Variants in AGBL4 observed in about 807,000 individuals in gnomAD.
The protein encoded by AGBL4 is cytosolic carboxypeptidase 6.
Under a neutral mutation model 66.4 loss-of-function variants are expected in AGBL4, and 58 were observed. The observed-to-expected ratio is 0.87, with a 90% CI of 0.71 to 1.09. The LOEUF is 1.09. AGBL4 is among the 50% of genes least tolerant of loss of function. The pLI is 0.00. For synonymous variants in AGBL4, 234 were observed against 222.9 expected (o/e 1.05, Z -0.44); for missense variants, 579 against 631.0 (o/e 0.92, Z 0.88).
chr1:48,625,491 G>A (rs775621823), intron 9 of AGBL4, among the ~76,000 whole-genome samples: 21 of 152,230 alleles, frequency 1.4e-4, no homozygotes, highest in East Asian at 1.2e-3. Flanking sequence ...TGGGAGCTGC[G>A]GCTGGGGGAC....
At chr1:49,269,884 T>A (rs1644016697) in intron 3 of AGBL4, among the ~76,000 whole-genome samples, 1 of 152,206 alleles carries the variant, frequency 6.6e-6, no homozygotes, top group Non-Finnish European at 1.5e-5. Context: ...GGGGAAGTTT[T>A]CCTTTAATCC....
At chr1:49,313,749 T>C (rs1644984986) in intron 3 of AGBL4, among the ~76,000 whole-genome samples, 1 of 152,244 alleles carries the variant, frequency 6.6e-6, no homozygotes, top group African/African-American at 2.4e-5. Context: ...TTAAGTTCTT[T>C]GTAGATTCTA....
At chr1:48,799,327 T>A (rs753769065) in intron 6 of AGBL4, among the ~76,000 whole-genome samples, 4 of 152,340 alleles carry the variant, frequency 2.6e-5, no homozygotes, top group Non-Finnish European at 5.9e-5. Flanking sequence ...GTGCTACTGA[T>A]CTCTGTGCAT....
At chr1:49,071,231 G>A (rs896644716) in intron 4 of AGBL4, among the ~76,000 whole-genome samples, 4 of 151,636 alleles carry the variant, frequency 2.6e-5, no homozygotes, top group African/African-American at 9.7e-5. Flanking sequence ...GGTTTTTTGT[G>A]TCTCTATCTC....
chr1:49,810,485 G>T (rs1327536262), intron 2 of AGBL4, among the ~76,000 whole-genome samples: 1 of 152,084 alleles, frequency 6.6e-6, no homozygotes, highest in Non-Finnish European at 1.5e-5. Flanking sequence ...AATGGCATTT[G>T]AAATAGATCT....
intron 12 of AGBL4, among the ~76,000 whole-genome samples, chr1:48,537,669 T>A (rs1230996171): frequency 6.6e-6 from 1 of 152,154 alleles, no homozygotes; most frequent in Non-Finnish European, 1.5e-5. Flanking sequence ...CACCATTTCA[T>A]TGGTATATGA....
At chr1:48,786,365 G>A (rs966829881) in intron 6 of AGBL4, among the ~76,000 whole-genome samples, 3 of 152,154 alleles carry the variant, frequency 2.0e-5, no homozygotes, top group African/African-American at 7.2e-5. Flanking sequence ...ATAGTTACAT[G>A]GAAAAGACTT....
chr1:48,602,564 C>T (rs956029016), intron 9 of AGBL4, among the ~76,000 whole-genome samples: 1 of 152,170 alleles, frequency 6.6e-6, no homozygotes, highest in African/African-American at 2.4e-5. Flanking sequence ...TCAATCATTC[C>T]CCTACGCTAA....
In AGBL4 at chr1:48,792,111, A is replaced by G. The variant is rs147546867; in HGVS notation, c.634+75080T>C. ...TCATTAGGCTGGGCCCTAGTTCAAC[A>G]TGACTTGTGTCTTATAAGATGAGAA... On this transcript the variant is annotated intron_variant, in intron 6 of 13. Coordinates refer to ENST00000371839, the MANE Select transcript of AGBL4 (RefSeq NM_032785.4). 1.7e-3 allele frequency among the ~76,000 whole-genome samples: 258 copies of G among 152,340 alleles called. 2 individuals carry two copies. Among genetic ancestry groups the G allele is most frequent in the African/African-American group, 5.9e-3 (247 of 41,576 alleles).
At chr1:49,962,038 T>C (rs1657159804) in intron 1 of AGBL4, among the ~76,000 whole-genome samples, 1 of 152,116 alleles carries the variant, frequency 6.6e-6, no homozygotes, top group African/African-American at 2.4e-5. Flanking sequence ...ACTAGATATT[T>C]GAAGACAAAA....
intron 1 of AGBL4, among the ~76,000 whole-genome samples, chr1:49,981,271 A>G (rs4347252): frequency 6.6e-6 from 1 of 152,198 alleles, no homozygotes; most frequent in Non-Finnish European, 1.5e-5. Flanking sequence ...GAAAATGTAG[A>G]CAATGCATTA....
At chr1:48,803,904 T>C (rs959042048) in intron 6 of AGBL4, among the ~76,000 whole-genome samples, 32 of 152,340 alleles carry the variant, frequency 2.1e-4, no homozygotes, top group African/African-American at 7.7e-4. Context: ...GGAATGATAT[T>C]GTCTAGACTT....
intron 6 of AGBL4, among the ~76,000 whole-genome samples, chr1:48,797,796 C>T (rs1570697220): frequency 6.6e-6 from 1 of 152,312 alleles, no homozygotes; most frequent in East Asian, 1.9e-4. Flanking sequence ...ATATGCCCAC[C>T]TCAGCCTCCC....
chr1:49,313,836 T>C (rs1463200930), intron 3 of AGBL4, among the ~76,000 whole-genome samples: 1 of 152,206 alleles, frequency 6.6e-6, no homozygotes, highest in East Asian at 1.9e-4. Context: ...ATTCTGATGA[T>C]AGTTTGTTTT....
At chr1:49,486,419 T>G (rs984711712) in intron 3 of AGBL4, among the ~76,000 whole-genome samples, 3 of 151,978 alleles carry the variant, frequency 2.0e-5, no homozygotes, top group Non-Finnish European at 4.4e-5. Context: ...CAAAGAATCT[T>G]AAAAACTCAG....
chr1:49,763,039 C>A (rs895408679), intron 2 of AGBL4, among the ~76,000 whole-genome samples: 7 of 152,240 alleles, frequency 4.6e-5, no homozygotes, highest in African/African-American at 1.7e-4. Context: ...AGTTTTTAAT[C>A]CATTTTGATT....
chr1:48,808,056 G>A (rs897975344), intron 6 of AGBL4, among the ~76,000 whole-genome samples: 1 of 152,122 alleles, frequency 6.6e-6, no homozygotes, highest in African/African-American at 2.4e-5. Flanking sequence ...TTTGTAGAGG[G>A]ACTGCTTTGT....
At chr1:48,793,097 T>G (rs1291536516) in intron 6 of AGBL4, among the ~76,000 whole-genome samples, 1 of 152,242 alleles carries the variant, frequency 6.6e-6, no homozygotes, top group Non-Finnish European at 1.5e-5. Flanking sequence ...TTACTGTCTC[T>G]GGTTCTGATG....
At chr1:48,889,407 G>A (rs1279967298) in intron 5 of AGBL4, among the ~76,000 whole-genome samples, 2 of 152,184 alleles carry the variant, frequency 1.3e-5, no homozygotes, top group African/African-American at 4.8e-5. Context: ...GAAGGGAGGG[G>A]TATAGACAGG....
Sources: gnomAD v4.1 joint callset for allele counts (sites outside exome capture counted in the v4.1 genomes callset) on GRCh38, gnomAD v4.1.1 for gene constraint, MANE v1.5 for transcripts, NCBI Gene and HGNC (gene_info 2026-07-23, HGNC 2026-07-21) for gene names.